PPP3CA: variants seen among roughly 807,000 people sequenced by gnomAD.
The protein encoded by PPP3CA is protein phosphatase 3 catalytic subunit alpha.
Under a neutral mutation model 66.5 loss-of-function variants are expected in PPP3CA, and 14 were observed. The observed-to-expected ratio is 0.21, with a 90% confidence interval of 0.14 to 0.33. The LOEUF is 0.33. Ranked by LOEUF, PPP3CA falls within the 10% of genes least tolerant of loss-of-function variation. The pLI is 1.00. For synonymous variants in PPP3CA, 232 were observed against 226.2 expected, an observed-to-expected ratio of 1.03 and a Z score of -0.23; for missense variants, 317 against 639.5, an observed-to-expected ratio of 0.50 and a Z score of 5.44.
At chr4:101,193,008 A>G (rs960739338) in intron 2 of PPP3CA, among the ~76,000 whole-genome samples, 1 of 152,242 alleles carries the variant, frequency 6.6e-6, no homozygotes, top group Non-Finnish European at 1.5e-5. Flanking sequence ...CATTTAGAAG[A>G]TAGGAACACA....
At chr4:101,299,692 C>T (rs1030918357) in intron 1 of PPP3CA, among the ~76,000 whole-genome samples, 4 of 152,136 alleles carry the variant, frequency 2.6e-5, no homozygotes, top group African/African-American at 4.8e-5. Flanking sequence ...AGGACAGACA[C>T]TTGTCTTTTT....
chr4:101,261,138 C>T (rs926808347), intron 1 of PPP3CA, among the ~76,000 whole-genome samples: 2 of 152,088 alleles, frequency 1.3e-5, no homozygotes, highest in African/African-American at 4.8e-5. Context: ...TTCCATAAAA[C>T]TGCATCAGGT....
In PPP3CA at chr4:101,346,811, G is replaced by A. The variant is rs1295837856; in HGVS notation, c.-15C>T. 2 of 1,608,970 alleles carry A rather than the reference G, an allele frequency of 1.2e-6. No individual in the cohort carries two copies. The highest frequency in any genetic ancestry group is 1.7e-6 in the Non-Finnish European group (2 of 1,178,186). On this transcript the variant is annotated 5_prime_UTR_variant, in exon 1 of 14. Coordinates refer to ENST00000394854, the MANE Select transcript of PPP3CA (RefSeq NM_000944.5). ...GGCTCGGACATCTCCAGCTGCCGGA[G>A]GACAGCGACGCGCTGCTCGTCCGTC...
At chr4:101,229,264 T>C (rs916594801) in intron 1 of PPP3CA, among the ~76,000 whole-genome samples, 2 of 151,170 alleles carry the variant, frequency 1.3e-5, no homozygotes, top group Admixed American at 6.6e-5. Context: ...CCAAACTACA[T>C]TAAAAGAAAA....
chr4:101,245,846 A>C (rs1726459569), intron 1 of PPP3CA, among the ~76,000 whole-genome samples: 1 of 152,080 alleles, frequency 6.6e-6, no homozygotes, highest in South Asian at 2.1e-4. Context: ...TCCTCCCTTC[A>C]GAACACACAT....
At chr4:101,319,250 G>T (rs983491073) in intron 1 of PPP3CA, among the ~76,000 whole-genome samples, 1 of 150,080 alleles carries the variant, frequency 6.7e-6, no homozygotes, top group Non-Finnish European at 1.5e-5. Context: ...AAAAAAGAAT[G>T]AAAGTTAAAC....
At chr4:101,342,064 A>C (rs1380903872) in intron 1 of PPP3CA, among the ~76,000 whole-genome samples, 1 of 152,174 alleles carries the variant, frequency 6.6e-6, no homozygotes, top group Admixed American at 6.5e-5. Context: ...TTATAAATGA[A>C]TGGTCTATCA....
rs138404491 is a variant in PPP3CA, at chr4:101,238,287, A to G, written c.59-42171T>C. Among the ~76,000 whole-genome samples the G allele has an allele frequency of 3.3e-5, 5 of 152,214 alleles. No homozygotes were observed. In the East Asian group the frequency reaches 9.7e-4, roughly 30 times the overall value. On this transcript the variant is annotated intron_variant, in intron 1 of 13. Transcript: ENST00000394854. ...TATTATCGAACAAAATATAATTATT[A>G]TCTTAATTGATTTAATACCTTGTCC...
chr4:101,323,639 A>AT lies in PPP3CA; in HGVS notation c.58+23099dup, dbSNP rs528295218. 5.5e-3 allele frequency among the ~76,000 whole-genome samples: 841 copies of AT among 152,338 alleles called. 6 individuals carry two copies. The highest frequency in any genetic ancestry group is 0.01 in the Non-Finnish European group (696 of 68,032). Reference sequence around the variant, plus strand: ...AGGTTAAGAGTCTATGCTTTCATATATAAGCCACCCTTTCTCTTTGAGGTA... The same window carrying AT: ...AGGTTAAGAGTCTATGCTTTCATATATTAAGCCACCCTTTCTCTTTGAGGTA... On this transcript the variant is annotated intron_variant, in intron 1 of 13. Transcript: ENST00000394854.
intron 1 of PPP3CA, among the ~76,000 whole-genome samples, chr4:101,314,424 C>T (rs1319118974): frequency 6.6e-6 from 1 of 151,808 alleles, no homozygotes. Context: ...ATTAGCTGGG[C>T]ATGGTGGCGG....
intron 2 of PPP3CA, among the ~76,000 whole-genome samples, chr4:101,123,986 T>C (rs1232630979): frequency 6.6e-6 from 1 of 152,182 alleles, no homozygotes; most frequent in Admixed American, 6.5e-5. Flanking sequence ...CGGCAGAAGG[T>C]AAGCTCCCTA....
chr4:101,260,294 A>C (rs967242027), intron 1 of PPP3CA, among the ~76,000 whole-genome samples: 1 of 152,190 alleles, frequency 6.6e-6, no homozygotes, highest in African/African-American at 2.4e-5. Flanking sequence ...GTATACGTGC[A>C]GTATCAGAAA....
At chr4:101,165,825 T>C (rs1382563460) in intron 2 of PPP3CA, among the ~76,000 whole-genome samples, 1 of 152,162 alleles carries the variant, frequency 6.6e-6, no homozygotes, top group East Asian at 1.9e-4. Context: ...AGGCCATAGA[T>C]ACTACATAAA....
chr4:101,150,045 G>C (rs1723089283), intron 2 of PPP3CA, among the ~76,000 whole-genome samples: 1 of 152,046 alleles, frequency 6.6e-6, no homozygotes, highest in Admixed American at 6.5e-5. Flanking sequence ...CATAGTCTGT[G>C]TTTTTGACTT....
chr4:101,106,456 A>AAGG (rs1730734944), intron 3 of PPP3CA, among the ~76,000 whole-genome samples: 1 of 23,910 alleles, frequency 4.2e-5, no homozygotes, highest in African/African-American at 3.2e-4. Context: ...AAAGAAAGAG[A>AAGG]AAAGAAAAGA....
At chr4:101,155,079 T>G (rs1429433608) in intron 2 of PPP3CA, among the ~76,000 whole-genome samples, 1 of 152,196 alleles carries the variant, frequency 6.6e-6, no homozygotes, top group Non-Finnish European at 1.5e-5. Flanking sequence ...CCTCCCAAAG[T>G]GCTGGGATTA....
At chr4:101,229,395 C>T (rs4699139) in intron 1 of PPP3CA, among the ~76,000 whole-genome samples, 101,504 of 151,390 alleles carry the variant, frequency 0.67, 34,937 homozygotes, top group Middle Eastern at 0.76. Context: ...TGCTGATTCC[C>T]CTGTACAAAG....
At chr4:101,233,474 A>T (rs1018987614) in intron 1 of PPP3CA, among the ~76,000 whole-genome samples, 11 of 151,834 alleles carry the variant, frequency 7.2e-5, no homozygotes, top group Non-Finnish European at 1.6e-4. Context: ...GGTTTCTTGT[A>T]GCAGTTCAGG....
intron 2 of PPP3CA, among the ~76,000 whole-genome samples, chr4:101,141,585 C>T (rs1168043289): frequency 6.6e-6 from 1 of 152,086 alleles, no homozygotes; most frequent in Non-Finnish European, 1.5e-5. Context: ...CCTCTGCTCT[C>T]CTCTTTATTT....
Sources: allele counts gnomAD v4.1 joint callset (sites outside exome capture counted in the v4.1 genomes callset), GRCh38; gene constraint gnomAD v4.1.1; transcripts MANE v1.5; gene names NCBI Gene and HGNC (gene_info 2026-07-23, HGNC 2026-07-21).